Variants in NPAS3 observed in about 807,000 individuals in gnomAD.
NPAS3 encodes neuronal PAS domain protein 3, also known as neuronal PAS domain-containing protein 3.
In NPAS3, 14 loss-of-function variants were observed where a neutral mutation model predicts 73.1. The observed-to-expected ratio is 0.19, with a 90% CI of 0.13 to 0.30. The LOEUF is 0.30. Among genes scored for constraint, NPAS3 ranks in the 10% least tolerant of loss-of-function variants. The probability of loss-of-function intolerance (pLI) is 1.00; values close to 1 mark genes in which losing one functional copy is unlikely to be tolerated. For missense variants in NPAS3, 1,096 were observed against 1,250.0 expected (o/e 0.88, Z 1.86); for synonymous variants, 620 against 541.5 (o/e 1.14, Z -2.01).
At chr14:33,470,572 C>T (rs2050735711) in intron 4 of NPAS3, among the ~76,000 whole-genome samples, 1 of 152,148 alleles carries the variant, frequency 6.6e-6, no homozygotes, top group South Asian at 2.1e-4. Flanking sequence ...TAATTCTAGC[C>T]TTGTTCCTAC....
chr14:33,104,994 A>G (rs2138915831), intron 2 of NPAS3, among the ~76,000 whole-genome samples: 1 of 152,292 alleles, frequency 6.6e-6, no homozygotes, highest in East Asian at 1.9e-4. Context: ...TTACTAGCCA[A>G]CATAGGAATT....
chr14:32,958,178 GT>G (rs34001082), intron 1 of NPAS3, among the ~76,000 whole-genome samples: 42,422 of 151,624 alleles, frequency 0.28, 6,242 homozygotes, highest in African/African-American at 0.33. Context: ...GTCCACCTTG[GT>G]TTTTTTCATC....
intron 3 of NPAS3, among the ~76,000 whole-genome samples, chr14:33,365,267 A>G (rs985555577): frequency 6.7e-6 from 1 of 149,690 alleles, no homozygotes; most frequent in Non-Finnish European, 1.5e-5. Flanking sequence ...CCAAGCTACC[A>G]TAATGTGCAA....
chr14:33,784,729 A>ATTTTTTTTTT (rs1342325354), intron 9 of NPAS3, among the ~76,000 whole-genome samples: 6 of 90,204 alleles, frequency 6.7e-5, no homozygotes, highest in African/African-American at 1.1e-4. Context: ...ATTTTTATTT[A>ATTTTTTTTTT]TTTATTTATT....
chr14:33,485,468 T>C (rs2051538337), intron 4 of NPAS3, among the ~76,000 whole-genome samples: 1 of 152,142 alleles, frequency 6.6e-6, no homozygotes, highest in Admixed American at 6.5e-5. Context: ...ATTCATGGCC[T>C]TAAGTCAACT....
chr14:33,106,970 A>G (rs1566566570), intron 2 of NPAS3, among the ~76,000 whole-genome samples: 1 of 152,046 alleles, frequency 6.6e-6, no homozygotes, highest in Non-Finnish European at 1.5e-5. Flanking sequence ...TACTTTTAGG[A>G]TTGGGTTGGG....
intron 6 of NPAS3, among the ~76,000 whole-genome samples, chr14:33,704,468 A>G (rs1233541002): frequency 6.6e-6 from 1 of 152,216 alleles, no homozygotes; most frequent in Non-Finnish European, 1.5e-5. Context: ...ATTACAATTG[A>G]TTGTGTAGAA....
intron 1 of NPAS3, among the ~76,000 whole-genome samples, chr14:32,975,301 C>A (rs61980336): frequency 1.4e-3 from 161 of 116,296 alleles, no homozygotes; most frequent in African/African-American, 4.8e-3. Flanking sequence ...TCCCTCCCTC[C>A]CTCCCTGCCT....
At chr14:33,200,215 C>T (rs1417128248) in intron 2 of NPAS3, among the ~76,000 whole-genome samples, 1 of 149,886 alleles carries the variant, frequency 6.7e-6, no homozygotes, top group Non-Finnish European at 1.5e-5. Flanking sequence ...CTTGCAATTG[C>T]AAAAACCGCA....
chr14:33,031,339 T>C (rs1348616702), intron 1 of NPAS3, among the ~76,000 whole-genome samples: 2 of 152,178 alleles, frequency 1.3e-5, no homozygotes, highest in African/African-American at 4.8e-5. Flanking sequence ...ATTATCCAGT[T>C]TTATGATGAG....
chr14:33,658,445 C>T (rs532211220), intron 5 of NPAS3, among the ~76,000 whole-genome samples: 9 of 152,292 alleles, frequency 5.9e-5, no homozygotes, highest in Non-Finnish European at 8.8e-5. Context: ...ACATATCCCC[C>T]GAGGTAATGC....
At chr14:33,719,429 G>A (rs148884957) in intron 6 of NPAS3, among the ~76,000 whole-genome samples, 2 of 152,226 alleles carry the variant, frequency 1.3e-5, no homozygotes, top group African/African-American at 2.4e-5. Flanking sequence ...TGTTTATCAC[G>A]TGCCAAGCTA....
intron 3 of NPAS3, among the ~76,000 whole-genome samples, chr14:33,220,068 G>A: frequency 6.6e-6 from 1 of 152,170 alleles, no homozygotes; most frequent in Non-Finnish European, 1.5e-5. Flanking sequence ...TGGACACCCA[G>A]CCGATGACAT....
intron 2 of NPAS3, among the ~76,000 whole-genome samples, chr14:33,174,892 T>C (rs780681372): frequency 5.9e-5 from 9 of 152,086 alleles, no homozygotes; most frequent in Non-Finnish European, 1.3e-4. Context: ...GGAGAGAATA[T>C]GCAAGGGAAA....
chr14:33,171,690 G>C (rs76839280), intron 2 of NPAS3, among the ~76,000 whole-genome samples: 1 of 152,052 alleles, frequency 6.6e-6, no homozygotes, highest in African/African-American at 2.4e-5. Context: ...TTTCACTTTC[G>C]TATTATTTGT....
chr14:33,397,904 A>G (rs540816818), intron 4 of NPAS3, among the ~76,000 whole-genome samples: 20 of 152,260 alleles, frequency 1.3e-4, no homozygotes, highest in African/African-American at 4.8e-4. Context: ...TCAGAAATAG[A>G]CACATAGGTC....
intron 6 of NPAS3, among the ~76,000 whole-genome samples, chr14:33,680,163 A>G (rs1439325798): frequency 6.6e-6 from 1 of 152,138 alleles, no homozygotes; most frequent in East Asian, 1.9e-4. Context: ...TGATTCTGCC[A>G]TCTTGGGATT....
At chr14:33,222,302 G>A (rs1397373056) in intron 3 of NPAS3, among the ~76,000 whole-genome samples, 4 of 152,210 alleles carry the variant, frequency 2.6e-5, no homozygotes, top group Admixed American at 6.5e-5. Flanking sequence ...ATAGGGGAAG[G>A]AGAAAGGAAG....
At chr14:33,780,754 G>T (rs1307830188) in intron 9 of NPAS3, 1 of 402,048 alleles carries the variant, frequency 2.5e-6, no homozygotes. Flanking sequence ...CTCATTTTCC[G>T]TACCCAGAAT....
Sources: allele counts gnomAD v4.1 joint callset (sites outside exome capture counted in the v4.1 genomes callset), GRCh38; gene constraint gnomAD v4.1.1; transcripts MANE v1.5; gene names NCBI Gene and HGNC (gene_info 2026-07-23, HGNC 2026-07-21).